The following OSBPL9 variants were observed in gnomAD, a reference collection of about 807,000 sequenced individuals.
OSBPL9 encodes the protein oxysterol binding protein like 9, also known as oxysterol-binding protein-related protein 9.
OSBPL9 carries 40 observed loss-of-function variants against 106.6 expected under a neutral mutation model. The observed-to-expected ratio is 0.38, with a 90% CI of 0.29 to 0.49. The LOEUF is 0.49. Ranked by LOEUF, OSBPL9 falls within the 20% of genes least tolerant of loss-of-function variation. OSBPL9 has a pLI of 0.97. For missense variants in OSBPL9, 609 were observed against 887.2 expected (o/e 0.69, Z 3.98); for synonymous variants, 269 against 295.4 (o/e 0.91, Z 0.92).
At chr1:51,650,349 C>A (rs1295182165) in intron 1 of OSBPL9, among the ~76,000 whole-genome samples, 1 of 152,056 alleles carries the variant, frequency 6.6e-6, no homozygotes, top group Non-Finnish European at 1.5e-5. Flanking sequence ...TGCATTCTAA[C>A]CTCATCAGGG....
intron 14 of OSBPL9, among the ~76,000 whole-genome samples, chr1:51,775,558 T>C (rs959033858): frequency 6.6e-5 from 10 of 152,174 alleles, no homozygotes; most frequent in Non-Finnish European, 1.3e-4. Context: ...TAAATGCTCT[T>C]GTTATTCTCT....
At chr1:51,609,872 T>C (rs953735772) in intron 2 of OSBPL9, among the ~76,000 whole-genome samples, 17 of 151,794 alleles carry the variant, frequency 1.1e-4, no homozygotes, top group Non-Finnish European at 2.1e-4. Flanking sequence ...CTCAGTCTCC[T>C]GAGTAGCTGG....
At chr1:51,742,728 C>T (rs1238205660) in intron 4 of OSBPL9, among the ~76,000 whole-genome samples, 1 of 151,530 alleles carries the variant, frequency 6.6e-6, no homozygotes, top group East Asian at 1.9e-4. Flanking sequence ...AGAGCAAGAC[C>T]CTGTCTCAAA....
chr1:51,672,421 A>T (rs998232758), intron 3 of OSBPL9, among the ~76,000 whole-genome samples: 1 of 152,302 alleles, frequency 6.6e-6, no homozygotes, highest in South Asian at 2.1e-4. Context: ...TTTACTCATG[A>T]CTACCACCAC....
At chr1:51,599,186 C>T (rs1645316186) in intron 2 of OSBPL9, among the ~76,000 whole-genome samples, 2 of 152,154 alleles carry the variant, frequency 1.3e-5, no homozygotes. Context: ...GCACTCCAGG[C>T]TCAGTGACAG....
intron 15 of OSBPL9, among the ~76,000 whole-genome samples, chr1:51,779,804 G>A (rs912677195): frequency 9.2e-5 from 14 of 152,126 alleles, no homozygotes; most frequent in Non-Finnish European, 1.5e-4. Flanking sequence ...TTGGCCGGGC[G>A]CGGTGGCTCA....
At chr1:51,541,018 C>T in the OSBPL9 span, among the ~76,000 whole-genome samples, 12 of 151,048 alleles carry the variant, frequency 7.9e-5, no homozygotes, top group Non-Finnish European at 1.5e-4. Flanking sequence ...GCAATCCCAG[C>T]TATTCAGGAG....
intron 2 of OSBPL9, among the ~76,000 whole-genome samples, chr1:51,610,241 ATAT>A (rs1299646347): frequency 6.7e-6 from 1 of 148,270 alleles, no homozygotes; most frequent in African/African-American, 2.5e-5. Flanking sequence ...AAAGGAACTG[ATAT>A]TTGTTGTTGT....
intron 1 of OSBPL9, among the ~76,000 whole-genome samples, chr1:51,588,448 C>T (rs139072110): frequency 0.02 from 3,061 of 152,140 alleles, 51 homozygotes; most frequent in South Asian, 0.035. Context: ...TGCTTGAGCC[C>T]AGGAGTTCAA....
At chr1:51,768,353 A>G (rs1673094053) in intron 12 of OSBPL9, among the ~76,000 whole-genome samples, 1 of 150,724 alleles carries the variant, frequency 6.6e-6, no homozygotes, top group African/African-American at 2.5e-5. Flanking sequence ...AGCTGGGATT[A>G]CAGGTGCCCA....
intron 4 of OSBPL9, among the ~76,000 whole-genome samples, chr1:51,734,138 G>A (rs1332259769): frequency 6.6e-6 from 1 of 152,220 alleles, no homozygotes; most frequent in Non-Finnish European, 1.5e-5. Context: ...CTGTATGTGT[G>A]TGTATACATG....
intron 3 of OSBPL9, among the ~76,000 whole-genome samples, chr1:51,706,898 C>A (rs1339451951): frequency 1.3e-5 from 2 of 151,806 alleles, no homozygotes; most frequent in South Asian, 2.1e-4. Context: ...TTTTATTTTT[C>A]TTTCTTTCAT....
At chr1:51,698,978 T>C (rs9943205) in intron 3 of OSBPL9, among the ~76,000 whole-genome samples, 146 of 152,298 alleles carry the variant, frequency 9.6e-4, no homozygotes, top group African/African-American at 3.2e-3. Context: ...GAGGTTTGTT[T>C]ACTGACATGC....
the OSBPL9 span, among the ~76,000 whole-genome samples, chr1:51,530,184 A>AAAAAAAAAAAAAAAAC: frequency 2.9e-5 from 3 of 103,410 alleles, no homozygotes; most frequent in Admixed American, 9.4e-5. Context: ...AAAAAAAAAA[A>AAAAAAAAAAAAAAAAC]AAAAAAAACA....
At position 51,728,147 on chromosome 1, in the gene OSBPL9, G is replaced by A. The variant is rs1001047043; in HGVS notation, c.318+14068G>A. On this transcript the variant is annotated intron_variant, in intron 4 of 23. Transcript: ENST00000428468. ...TACAAGGTAAAAGATGGAGCTAAGCGGTAGGTAAGGCTAAACCTTGTCAGC... is the reference window on the plus strand; with the variant it reads ...TACAAGGTAAAAGATGGAGCTAAGCAGTAGGTAAGGCTAAACCTTGTCAGC... Among the ~76,000 whole-genome samples, 5 of 152,308 alleles carry A rather than the reference G, an allele frequency of 3.3e-5. No homozygotes were observed. The South Asian group carries it at 8.3e-4, about 25-fold the overall frequency.
Position 51,784,138 on chromosome 1 carries a change from GGGT to G in OSBPL9, c.1624+116_1624+118del, listed in dbSNP as rs1464683580. ...CATTGGTATTGGGGGTGAGAGCAAA[GGGT>G]GGGGAACTAGATAGGTTATCCCTAA... On this transcript the variant is annotated intron_variant, in intron 18 of 23. Coordinates refer to ENST00000428468, the MANE Select transcript of OSBPL9 (RefSeq NM_024586.6). 3.6e-6 allele frequency: 5 copies of G among 1,382,440 alleles called. No individual in the cohort carries two copies. In the African/African-American group the frequency reaches 4.3e-5, roughly 12 times the overall value. 85.6% of individuals were successfully genotyped at this position (1,382,440 alleles called of 1,614,324 possible). A position where few individuals can be genotyped will look rare whatever the true frequency, so the allele number is the denominator to read the frequency against.
At chr1:51,631,294 C>T (rs1046175868) in intron 1 of OSBPL9, among the ~76,000 whole-genome samples, 17 of 152,074 alleles carry the variant, frequency 1.1e-4, no homozygotes, top group Admixed American at 5.9e-4. Context: ...GTAATCTCAG[C>T]GCTTTGGGAA....
intron 4 of OSBPL9, among the ~76,000 whole-genome samples, chr1:51,718,136 G>A (rs1044039922): frequency 2.0e-5 from 3 of 152,196 alleles, no homozygotes; most frequent in African/African-American, 4.8e-5. Context: ...TCACTTATTT[G>A]TGGGAGCTAA....
rs72898052 is a variant in OSBPL9, at chr1:51,705,031, C to A, written c.242-8972C>A. ...CAATTTATTTAGTTTTCTTTAGAAG[C>A]TTTATATTTCTTTTGCACAAATAAG... On this transcript the variant is annotated intron_variant, in intron 3 of 23. Coordinates refer to ENST00000428468, the MANE Select transcript of OSBPL9 (RefSeq NM_024586.6). Among the ~76,000 whole-genome samples, 1,091 of 152,110 alleles carry A rather than the reference C, an allele frequency of 7.2e-3. 10 individuals are homozygous for A. The highest frequency in any genetic ancestry group is 0.025 in the African/African-American group (1,049 of 41,488).
Sources: gnomAD v4.1 joint callset for allele counts (sites outside exome capture counted in the v4.1 genomes callset) on GRCh38, gnomAD v4.1.1 for gene constraint, MANE v1.5 for transcripts, NCBI Gene and HGNC (gene_info 2026-07-23, HGNC 2026-07-21) for gene names.